Variants in DNAL1 observed in about 807,000 individuals in gnomAD.
DNAL1 encodes the protein chromosome 14 open reading frame 168.
Under a neutral mutation model 29.4 loss-of-function variants are expected in DNAL1, and 17 were observed. That is an observed-to-expected ratio of 0.58 (90% CI 0.40 to 0.87). The LOEUF is 0.87. Among genes scored for constraint, DNAL1 ranks in the 40% least tolerant of loss-of-function variants. The probability of loss-of-function intolerance (pLI) is 0.00; values close to 1 mark genes in which losing one functional copy is unlikely to be tolerated. For synonymous variants in DNAL1, 78 were observed against 76.3 expected (o/e 1.02, Z -0.12); for missense variants, 188 against 214.1 (o/e 0.88, Z 0.76).
Position 73,652,269 on chromosome 14 carries a change from A to G in DNAL1, c.4-2578A>G, listed in dbSNP as rs114076185. Reference sequence around the variant, plus strand: ...GGGGTCTTGCTATGTTGTTCAGGTTATATACATTTTTTGAGACAGGGTCTT... The same window carrying G: ...GGGGTCTTGCTATGTTGTTCAGGTTGTATACATTTTTTGAGACAGGGTCTT... On this transcript the variant is annotated intron_variant, in intron 1 of 7. Coordinates refer to ENST00000553645, the MANE Select transcript of DNAL1 (RefSeq NM_031427.4). Among the ~76,000 whole-genome samples, 1,226 of 151,656 alleles carry G rather than the reference A, an allele frequency of 8.1e-3. 23 individuals are homozygous for G. The highest frequency in any genetic ancestry group is 0.028 in the African/African-American group (1,162 of 41,338).
At chr14:73,648,622 C>T (rs1891039047) in intron 1 of DNAL1, among the ~76,000 whole-genome samples, 1 of 149,714 alleles carries the variant, frequency 6.7e-6, no homozygotes, top group Admixed American at 6.7e-5. Flanking sequence ...TCCATGTTGC[C>T]CAAGCTGGTC....
chr14:73,687,374 T>C lies in DNAL1; in HGVS notation c.380T>C (p.Val127Ala), dbSNP rs1338701151. Residue 127 changes from valine to alanine, a missense_variant, in exon 6 of 8, where the codon GTA becomes GCA. Val to Ala is a moderately conservative substitution (Grantham distance 64). Coordinates refer to ENST00000553645, the MANE Select transcript of DNAL1 (RefSeq NM_031427.4). ...LKILYMSNNL[V>A]KDWAEFVKLA... ...ATTCTCTACATGTCTAATAACCTGG[T>C]AAAAGACTGGGGTAAGCTGAGAGTG... is the stretch of plus-strand genomic sequence containing the variant. The C allele has an allele frequency of 6.2e-7, 1 of 1,601,916 alleles. No homozygotes were observed.
At chr14:73,665,700 A>G (rs1190236143) in intron 4 of DNAL1, among the ~76,000 whole-genome samples, 1 of 152,012 alleles carries the variant, frequency 6.6e-6, no homozygotes, top group South Asian at 2.1e-4. Context: ...CTGAGGCAGG[A>G]GAATAGCTGG....
intron 5 of DNAL1, among the ~76,000 whole-genome samples, chr14:73,677,179 C>G (rs998250220): frequency 6.6e-6 from 1 of 151,942 alleles, no homozygotes; most frequent in African/African-American, 2.4e-5. Context: ...ACCTTGCTAG[C>G]CAGGATGGTC....
intron 4 of DNAL1, among the ~76,000 whole-genome samples, chr14:73,662,297 TTTAA>T (rs1891374181): frequency 1.3e-5 from 2 of 152,214 alleles, no homozygotes; most frequent in South Asian, 4.1e-4. Flanking sequence ...ATATCAGATT[TTTAA>T]TTGTGTATTT....
intron 1 of DNAL1, among the ~76,000 whole-genome samples, chr14:73,651,885 G>A (rs1595200201): frequency 6.6e-6 from 1 of 152,094 alleles, no homozygotes; most frequent in African/African-American, 2.4e-5. Flanking sequence ...TCAAACTCCT[G>A]ACCTCAAGTG....
intron 6 of DNAL1, among the ~76,000 whole-genome samples, chr14:73,689,026 G>GTTTTTTTTTTTTTTTTT (rs71112794): frequency 1.1e-5 from 1 of 92,248 alleles, no homozygotes; most frequent in African/African-American, 4.9e-5. Flanking sequence ...AAAACTTGCT[G>GTTTTTTTTTTTTTTTTT]TTTTTTTTTT....
chr14:73,678,965 G>T (rs1298393220), intron 5 of DNAL1, among the ~76,000 whole-genome samples: 2 of 152,130 alleles, frequency 1.3e-5, no homozygotes, highest in Non-Finnish European at 2.9e-5. Context: ...GGGAGCTGGG[G>T]TATAGGGTGA....
intron 4 of DNAL1, 130 bp from the exon 5 acceptor site, chr14:73,671,412 C>T: frequency 1.9e-6 from 2 of 1,041,318 alleles, no homozygotes; most frequent in East Asian, 3.8e-5. Flanking sequence ...TTTTTGTTAA[C>T]ACAACCTTTC....
In DNAL1 at chr14:73,701,301, G is replaced by A. The variant is rs754738227; in HGVS notation, c.*5359G>A. 1 of 152,244 alleles carries A rather than the reference G, an allele frequency of 6.6e-6. No individual in the cohort carries two copies. Among genetic ancestry groups the A allele is most frequent in the African/African-American group, 2.4e-5 (1 of 41,456 alleles). 9.4% of individuals were successfully genotyped at this position (152,244 alleles called of 1,614,324 possible). A position where few individuals can be genotyped will look rare whatever the true frequency, so the allele number is the denominator to read the frequency against. On this transcript the variant is annotated 3_prime_UTR_variant, in exon 8 of 8. Transcript: ENST00000553645. ...TGGTGGAAAGGACTTCCATAGGGCA[G>A]ATGGGTAAATATCTAGCCTGCACTT... is the stretch of plus-strand genomic sequence containing the variant.
At chr14:73,677,868 A>T (rs1891778823) in intron 5 of DNAL1, among the ~76,000 whole-genome samples, 1 of 107,782 alleles carries the variant, frequency 9.3e-6, no homozygotes, top group African/African-American at 4.0e-5. Context: ...ATATATTTAT[A>T]TATATATATA....
At chr14:73,665,237 A>G (rs1017385068) in intron 4 of DNAL1, among the ~76,000 whole-genome samples, 3 of 152,064 alleles carry the variant, frequency 2.0e-5, no homozygotes, top group African/African-American at 7.2e-5. Context: ...TTCAGTACTT[A>G]TACAGTGCTG....
intron 5 of DNAL1, among the ~76,000 whole-genome samples, chr14:73,681,381 C>T (rs1315423029): frequency 1.3e-5 from 2 of 150,864 alleles, no homozygotes; most frequent in Non-Finnish European, 2.9e-5. Flanking sequence ...GTAATCCACC[C>T]GATTCGGCCT....
intron 7 of DNAL1, 110 bp from the exon 8 acceptor site, chr14:73,695,792 G>T (rs1892287574): frequency 1.2e-6 from 1 of 802,578 alleles, no homozygotes; most frequent in East Asian, 3.3e-5. Context: ...GCCTCCCAAA[G>T]TGCTGGGATT....
At chr14:73,655,659 T>G (rs1186350951) in intron 2 of DNAL1, among the ~76,000 whole-genome samples, 1 of 151,944 alleles carries the variant, frequency 6.6e-6, no homozygotes, top group African/African-American at 2.4e-5. Flanking sequence ...CATTTTCTTT[T>G]TCAACTGTTA....
At chr14:73,646,752 A>G (rs1447412245) in intron 1 of DNAL1, among the ~76,000 whole-genome samples, 1 of 152,058 alleles carries the variant, frequency 6.6e-6, no homozygotes, top group Non-Finnish European at 1.5e-5. Context: ...ACAGAGCAAG[A>G]CCCTGTCTCA....
chr14:73,693,021 A>G (rs1481248719), intron 7 of DNAL1, among the ~76,000 whole-genome samples: 1 of 152,054 alleles, frequency 6.6e-6, no homozygotes, highest in Non-Finnish European at 1.5e-5. Flanking sequence ...TTTTTAGTAG[A>G]GATGGGGTCT....
rs571405288 is a variant in DNAL1 at position 73,665,562 on chromosome 14, G to A, written c.208+3520G>A. On this transcript the variant is annotated intron_variant, in intron 4 of 7. Transcript: ENST00000553645. Reference sequence around the variant, plus strand: ...TCCCAGCACTTTGGGAGGCCGAGGCGGGTGGATCACCTGAGGTCAGGAGTT... The same window carrying A: ...TCCCAGCACTTTGGGAGGCCGAGGCAGGTGGATCACCTGAGGTCAGGAGTT... 5.9e-5 allele frequency among the ~76,000 whole-genome samples: 9 copies of A among 152,150 alleles called. No homozygotes were observed. The East Asian group carries it at 9.7e-4, about 16-fold the overall frequency.
At chr14:73,687,754 T>G (rs530040370) in intron 6 of DNAL1, among the ~76,000 whole-genome samples, 2 of 152,070 alleles carry the variant, frequency 1.3e-5, no homozygotes, top group South Asian at 4.2e-4. Flanking sequence ...GCGCCTGTAG[T>G]CCCAGCTACT....
Sources: gnomAD v4.1 joint callset for allele counts (sites outside exome capture counted in the v4.1 genomes callset) on GRCh38, gnomAD v4.1.1 for gene constraint, MANE v1.5 for transcripts, NCBI Gene and HGNC (gene_info 2026-07-23, HGNC 2026-07-21) for gene names.